Variants in COL13A1 observed in about 807,000 individuals in gnomAD.
COL13A1 encodes the protein collagen alpha-1(XIII) chain.
Under a neutral mutation model 130.9 loss-of-function variants are expected in COL13A1, and 89 were observed. The ratio of observed to expected loss-of-function variants is 0.68; its 90% CI spans 0.57 to 0.81. COL13A1 has a LOEUF of 0.81. Among genes scored for constraint, COL13A1 ranks in the 30% least tolerant of loss-of-function variants. The pLI is 0.00. For missense variants in COL13A1, 879 were observed against 934.6 expected (o/e 0.94, Z 0.78); for synonymous variants, 402 against 341.6 (o/e 1.18, Z -1.95).
chr10:69,858,870 C>T (rs968007766), intron 2 of COL13A1, among the ~76,000 whole-genome samples: 2 of 152,216 alleles, frequency 1.3e-5, no homozygotes, highest in African/African-American at 4.8e-5. Context: ...ATTCCAAAGG[C>T]TCTGCCAATT....
Position 69,802,449 on chromosome 10 carries a change from C to A in COL13A1, c.26C>A (p.Ala9Glu). The A allele has an allele frequency of 1.3e-6, 2 of 1,503,220 alleles. No homozygotes were observed. Among genetic ancestry groups the A allele is most frequent in the Non-Finnish European group, 1.8e-6 (2 of 1,131,580 alleles). The allele number at this position is 1,503,220 out of a possible 1,614,324, so 93.1% of individuals were successfully genotyped here. The change falls in exon 1 of 41, where the codon GCG becomes GAG. Residue 9 changes from alanine to glutamate, a missense_variant. By Grantham distance (107) the Ala-to-Glu change is moderately radical (BLOSUM62 -1). This residue lies in a region of COL13A1 where 715 missense variants were observed against 721.0 expected (regional missense o/e 0.99). Transcript: ENST00000645393. Reference protein sequence around the residue: MVAERTHKAAATGARGPGE... With the variant: MVAERTHKEAATGARGPGE... ...ATGGTAGCGGAGCGCACCCACAAAG[C>A]GGCAGCCACCGGTGCCCGCGGCCCT...
intron 30 of COL13A1, 95 bp downstream of exon 30, chr10:69,930,647 C>A: frequency 7.3e-7 from 1 of 1,374,094 alleles, no homozygotes; most frequent in East Asian, 2.5e-5. Flanking sequence ...ATGTGAGCTG[C>A]TGCCTGGGCT....
chr10:69,851,548 A>T (rs1854808823), intron 2 of COL13A1, among the ~76,000 whole-genome samples: 2 of 152,260 alleles, frequency 1.3e-5, no homozygotes, highest in Admixed American at 1.3e-4. Flanking sequence ...TACAGTAGCC[A>T]CAGCTACATG....
intron 31 of COL13A1, among the ~76,000 whole-genome samples, chr10:69,934,384 T>A (rs1448445863): frequency 6.6e-6 from 1 of 152,220 alleles, no homozygotes; most frequent in Non-Finnish European, 1.5e-5. Context: ...CTGTGTTCCC[T>A]CCAAGGAGAC....
chr10:69,932,465 C>A, intron 30 of COL13A1, 95 bp from the exon 31 acceptor site: 1 of 841,956 alleles, frequency 1.2e-6, no homozygotes, highest in Non-Finnish European at 2.0e-6. Flanking sequence ...CTAGACCAGT[C>A]ACGTCCCAGT....
In COL13A1 at chr10:69,929,021, G is replaced by T. The variant is rs752014476; in HGVS notation, c.1485+22G>T. 3.1e-6 allele frequency: 5 copies of T among 1,606,722 alleles called. No individual in the cohort carries two copies. The Admixed American group carries it at 6.7e-5, about 22-fold the overall frequency. On this transcript the variant is annotated intron_variant, in intron 28 of 40. Transcript: ENST00000645393. ...GAAGGTAAATCTTATCTTGACAAAG[G>T]GGGTGAAGACTTTGCAAGGGCATCG...
At chr10:69,810,312 C>T (rs570634647) in intron 1 of COL13A1, among the ~76,000 whole-genome samples, 10 of 147,728 alleles carry the variant, frequency 6.8e-5, no homozygotes, top group African/African-American at 2.5e-4. Flanking sequence ...CTCGGGTGAT[C>T]GTGTTCTGCG....
At position 69,912,233 on chromosome 10, in the gene COL13A1, G is replaced by A. The variant is rs919643926; in HGVS notation, c.922-5056G>A. ...TTTGGAACTAACTACAAAATCAACC[G>A]ATCTCAAATTGAGATTATAAGCCAG... On this transcript the variant is annotated intron_variant, in intron 17 of 40. Transcript: ENST00000645393. Among the ~76,000 whole-genome samples the A allele has an allele frequency of 2.6e-5, 4 of 152,058 alleles. No homozygotes were observed. The East Asian group carries it at 7.7e-4, about 29-fold the overall frequency.
chr10:69,831,921 T>C (rs1391768439), intron 2 of COL13A1, among the ~76,000 whole-genome samples: 1 of 152,124 alleles, frequency 6.6e-6, no homozygotes, highest in Non-Finnish European at 1.5e-5. Flanking sequence ...GCACCTACCT[T>C]GTTGGACTGA....
chr10:69,888,965 G>C (rs1164586514), intron 9 of COL13A1, among the ~76,000 whole-genome samples: 1 of 152,160 alleles, frequency 6.6e-6, no homozygotes, highest in African/African-American at 2.4e-5. Flanking sequence ...CCCACTCACA[G>C]CCATGCCTGG....
chr10:69,925,241 G>A lies in COL13A1; in HGVS notation c.1329+234G>A, dbSNP rs192687923. 6.6e-5 allele frequency among the ~76,000 whole-genome samples: 10 copies of A among 152,338 alleles called. No individual in the cohort carries two copies. In the East Asian group the frequency reaches 1.7e-3, roughly 26 times the overall value. On this transcript the variant is annotated intron_variant, in intron 25 of 40. Coordinates refer to ENST00000645393, the MANE Select transcript of COL13A1 (RefSeq NM_001368882.1). Reference sequence around the variant, plus strand: ...GGTATGGTAATCCACACACTGCAAGGGAAAAGGAGCAAGTAGCGGAATAGT... The same window carrying A: ...GGTATGGTAATCCACACACTGCAAGAGAAAAGGAGCAAGTAGCGGAATAGT...
At chr10:69,870,203 A>G (rs889224377) in intron 3 of COL13A1, among the ~76,000 whole-genome samples, 7 of 152,132 alleles carry the variant, frequency 4.6e-5, no homozygotes, top group African/African-American at 1.7e-4. Context: ...TACTTAGGAT[A>G]TATTAATTCA....
chr10:69,926,565 G>A (rs772516354), intron 26 of COL13A1, among the ~76,000 whole-genome samples: 8 of 152,338 alleles, frequency 5.3e-5, no homozygotes, highest in South Asian at 2.1e-4. Flanking sequence ...GTCTGTGTCC[G>A]TATGTGACTC....
rs567590483 is a variant in COL13A1, at chr10:69,839,554, C to T, written c.364+17116C>T. On this transcript the variant is annotated intron_variant, in intron 2 of 40. Coordinates refer to ENST00000645393, the MANE Select transcript of COL13A1 (RefSeq NM_001368882.1). ...TCTGAATGACAAGGGGAGCCCACCA[C>T]GCAGAGCTAACAGATGATCCTGAGC... Among the ~76,000 whole-genome samples the T allele has an allele frequency of 1.4e-3, 212 of 152,310 alleles. 4 individuals carry two copies. The highest frequency in any genetic ancestry group is 4.9e-3 in the African/African-American group (203 of 41,562).
At chr10:69,872,982 T>C (rs1050663302) in intron 4 of COL13A1, among the ~76,000 whole-genome samples, 1 of 152,178 alleles carries the variant, frequency 6.6e-6, no homozygotes, top group African/African-American at 2.4e-5. Context: ...TTTAAGACTT[T>C]GCTCTGTGGA....
chr10:69,863,434 G>T (rs1858791084), intron 2 of COL13A1, among the ~76,000 whole-genome samples: 1 of 152,160 alleles, frequency 6.6e-6, no homozygotes, highest in South Asian at 2.1e-4. Context: ...CTGGTGGCAG[G>T]TGGTCAGCTG....
Position 69,837,363 on chromosome 10 carries a change from G to A in COL13A1, c.364+14925G>A, listed in dbSNP as rs116137000. On this transcript the variant is annotated intron_variant, in intron 2 of 40. Coordinates refer to ENST00000645393, the MANE Select transcript of COL13A1 (RefSeq NM_001368882.1). ...ATTCTTTGCTCATTGGCACTCAGAGGCACTGGTGTGTCAGCCAATGCCACA... is the reference window on the plus strand; with the variant it reads ...ATTCTTTGCTCATTGGCACTCAGAGACACTGGTGTGTCAGCCAATGCCACA... Among the ~76,000 whole-genome samples, 817 of 152,256 alleles carry A rather than the reference G, an allele frequency of 5.4e-3. 5 individuals carry two copies. The highest frequency in any genetic ancestry group is 0.019 in the African/African-American group (785 of 41,550).
At chr10:69,891,429 A>G (rs1027479383) in intron 10 of COL13A1, among the ~76,000 whole-genome samples, 23 of 152,166 alleles carry the variant, frequency 1.5e-4, no homozygotes, top group African/African-American at 5.6e-4. Flanking sequence ...AAAATCCTTG[A>G]CATGTCTGCA....
chr10:69,886,999 C>T (rs2060653017), intron 7 of COL13A1, among the ~76,000 whole-genome samples: 1 of 152,178 alleles, frequency 6.6e-6, no homozygotes, highest in African/African-American at 2.4e-5. Flanking sequence ...TGAAAACACA[C>T]ATTTTGAAGG....
Sources: allele counts gnomAD v4.1 joint callset (sites outside exome capture counted in the v4.1 genomes callset), GRCh38; gene constraint gnomAD v4.1.1; regional missense constraint gnomAD v4.1.1; transcripts MANE v1.5; gene names NCBI Gene and HGNC (gene_info 2026-07-23, HGNC 2026-07-21).